MMP16: variants seen among roughly 807,000 people sequenced by gnomAD.
MMP16 encodes the protein matrix metalloproteinase-16.
MMP16 carries 12 observed loss-of-function variants against 67.8 expected under a neutral mutation model. The observed-to-expected ratio is 0.18, with a 90% confidence interval of 0.11 to 0.29. The LOEUF (loss-of-function observed/expected upper bound fraction) is 0.29. MMP16 is among the 10% of genes least tolerant of loss of function. MMP16 has a pLI of 1.00. For missense variants in MMP16, 475 were observed against 765.7 expected (o/e 0.62, Z 4.48); for synonymous variants, 249 against 255.9 (o/e 0.97, Z 0.26).
intron 6 of MMP16, among the ~76,000 whole-genome samples, chr8:88,084,104 G>T (rs1457265473): frequency 6.6e-6 from 1 of 151,896 alleles, no homozygotes; most frequent in South Asian, 2.1e-4. Context: ...TCATGCACTT[G>T]TGTGTATATA....
At position 88,087,697 on chromosome 8, in the gene MMP16, A is replaced by C. The variant is rs1165977896; in HGVS notation, c.1084-12954T>G. Among the ~76,000 whole-genome samples the C allele has an allele frequency of 1.3e-5, 2 of 151,662 alleles. 1 individual carries two copies. Among genetic ancestry groups the C allele is most frequent in the African/African-American group, 4.9e-5 (2 of 41,098 alleles). On this transcript the variant is annotated intron_variant, in intron 6 of 9. Coordinates refer to ENST00000286614, the MANE Select transcript of MMP16 (RefSeq NM_005941.5). Reference sequence around the variant, plus strand: ...AGTGGCTCACTCCTGTAATTCCAGCACTTTGGGAGGCCAAGGCAGGAGAAT... The same window carrying C: ...AGTGGCTCACTCCTGTAATTCCAGCCCTTTGGGAGGCCAAGGCAGGAGAAT...
At chr8:88,220,104 G>A (rs1020528317) in intron 1 of MMP16, among the ~76,000 whole-genome samples, 1 of 152,026 alleles carries the variant, frequency 6.6e-6, no homozygotes, top group African/African-American at 2.4e-5. Context: ...GTTAACTGAT[G>A]ATTTACTTCA....
intron 4 of MMP16, among the ~76,000 whole-genome samples, chr8:88,162,998 T>C (rs976704409): frequency 6.6e-6 from 1 of 152,074 alleles, no homozygotes; most frequent in African/African-American, 2.4e-5. Context: ...TTTCCTCAAA[T>C]ATCAAAGTTC....
chr8:88,131,845 C>A (rs1808036168), intron 4 of MMP16, among the ~76,000 whole-genome samples: 1 of 151,754 alleles, frequency 6.6e-6, no homozygotes. Flanking sequence ...AACATTTGCC[C>A]CTCTTCTCTC....
chr8:88,243,636 T>C (rs753148551), intron 1 of MMP16, among the ~76,000 whole-genome samples: 6 of 152,174 alleles, frequency 3.9e-5, no homozygotes, highest in African/African-American at 1.4e-4. Context: ...TATGATGGCA[T>C]TGCATTAAAT....
chr8:88,281,391 T>A (rs1810733645), intron 1 of MMP16, among the ~76,000 whole-genome samples: 1 of 152,154 alleles, frequency 6.6e-6, no homozygotes, highest in African/African-American at 2.4e-5. Context: ...TGCTTCTTCA[T>A]CAAAACATCA....
At chr8:88,175,236 T>C (rs1381626173) in intron 3 of MMP16, among the ~76,000 whole-genome samples, 2 of 152,190 alleles carry the variant, frequency 1.3e-5, no homozygotes, top group African/African-American at 4.8e-5. Context: ...GGTCACATTA[T>C]ACTGTTGGTT....
intron 6 of MMP16, among the ~76,000 whole-genome samples, chr8:88,094,500 C>T (rs1808993227): frequency 6.6e-6 from 1 of 151,440 alleles, no homozygotes; most frequent in African/African-American, 2.4e-5. Flanking sequence ...ATGAAGTACA[C>T]AAAAGAAACA....
At chr8:88,106,468 T>C (rs949559639) in intron 6 of MMP16, among the ~76,000 whole-genome samples, 2 of 151,304 alleles carry the variant, frequency 1.3e-5, no homozygotes, top group Admixed American at 6.6e-5. Context: ...AAATGACTGT[T>C]TATGTACACA....
In MMP16 at chr8:88,236,786, GCTTTTCAC is replaced by G. The variant is rs560240715; in HGVS notation, c.133-39488_133-39481del. Among the ~76,000 whole-genome samples the G allele has an allele frequency of 6.4e-3, 585 of 90,746 alleles. 2 individuals carry two copies. Among genetic ancestry groups the G allele is most frequent in the Non-Finnish European group, 7.9e-3 (420 of 53,066 alleles). The allele number at this position is 90,746 out of a possible 152,430, so 59.5% of individuals were successfully genotyped here. ...ACAGAAGACCAGCCCTATGATCAAA[GCTTTTCAC>G]CTTCTCTCACCTTGCGATGACTCAC... On this transcript the variant is annotated intron_variant, in intron 1 of 9. Transcript: ENST00000286614.
At chr8:88,048,073 A>T (rs1409352268) in intron 8 of MMP16, among the ~76,000 whole-genome samples, 1 of 152,232 alleles carries the variant, frequency 6.6e-6, no homozygotes, top group African/African-American at 2.4e-5. Flanking sequence ...GTATGTTGTC[A>T]TTCAGTAAGG....
chr8:88,116,800 A>C, intron 5 of MMP16, 82 bp from the exon 6 acceptor site: 1 of 1,264,748 alleles, frequency 7.9e-7, no homozygotes, highest in East Asian at 2.3e-5. Flanking sequence ...ACAATCACTT[A>C]TCAGCAGAAG....
chr8:88,310,222 C>G (rs1811274480), intron 1 of MMP16, among the ~76,000 whole-genome samples: 2 of 152,092 alleles, frequency 1.3e-5, no homozygotes, highest in Admixed American at 1.3e-4. Flanking sequence ...AATGCCAAGG[C>G]AAAAGGCATT....
intron 1 of MMP16, among the ~76,000 whole-genome samples, chr8:88,246,071 G>T (rs970264041): frequency 1.3e-5 from 2 of 151,972 alleles, no homozygotes; most frequent in African/African-American, 4.8e-5. Context: ...GATGTTATGG[G>T]GTAAAAGAAG....
intron 3 of MMP16, among the ~76,000 whole-genome samples, chr8:88,174,049 T>TA (rs1563553602): frequency 1.7e-4 from 26 of 152,258 alleles, no homozygotes; most frequent in African/African-American, 6.0e-4. Flanking sequence ...GTGTAGGCAT[T>TA]TAAAAAAAAT....
intron 2 of MMP16, among the ~76,000 whole-genome samples, chr8:88,194,331 G>A (rs186389260): frequency 3.4e-4 from 51 of 152,042 alleles, no homozygotes; most frequent in Middle Eastern, 3.4e-3. Context: ...TATTAATACT[G>A]AGGAATAATT....
intron 6 of MMP16, among the ~76,000 whole-genome samples, chr8:88,098,888 G>T (rs1468416819): frequency 6.6e-6 from 1 of 151,738 alleles, no homozygotes; most frequent in African/African-American, 2.4e-5. Context: ...AAAACTATAT[G>T]ATCACTATTT....
intron 3 of MMP16, among the ~76,000 whole-genome samples, chr8:88,185,547 TC>T (rs1353026817): frequency 6.6e-6 from 1 of 152,204 alleles, no homozygotes; most frequent in African/African-American, 2.4e-5. Context: ...TTATCTTTAA[TC>T]ATACACAAAG....
chr8:88,185,675 T>C (rs1027776548), intron 3 of MMP16, among the ~76,000 whole-genome samples: 1 of 152,152 alleles, frequency 6.6e-6, no homozygotes, highest in Non-Finnish European at 1.5e-5. Context: ...CTCCTGCCCA[T>C]TGGTTTAACA....
Sources: allele counts gnomAD v4.1 joint callset (sites outside exome capture counted in the v4.1 genomes callset), GRCh38; gene constraint gnomAD v4.1.1; transcripts MANE v1.5; gene names NCBI Gene and HGNC (gene_info 2026-07-23, HGNC 2026-07-21).